The following PTPRD variants were observed in gnomAD, a reference collection of about 807,000 sequenced individuals.
PTPRD encodes the protein protein tyrosine phosphatase receptor type D.
PTPRD carries 34 observed loss-of-function variants against 214.5 expected under a neutral mutation model. The ratio of observed to expected loss-of-function variants is 0.16; its 90% CI spans 0.12 to 0.21. PTPRD has a LOEUF of 0.21. Among genes scored for constraint, PTPRD ranks in the 10% least tolerant of loss-of-function variants. The pLI, the probability that PTPRD is intolerant of heterozygous loss-of-function variation, is 1.00. For missense variants in PTPRD, 2,545 were observed against 2,398.7 expected (o/e 1.06, Z -1.27); for synonymous variants, 1,128 against 845.7 (o/e 1.33, Z -5.79).
At chr9:9,269,443 G>A (rs1429896509) in intron 9 of PTPRD, among the ~76,000 whole-genome samples, 1 of 133,926 alleles carries the variant, frequency 7.5e-6, no homozygotes, top group Non-Finnish European at 1.7e-5. Flanking sequence ...AAACAATATG[G>A]AGGTTCCTCA....
chr9:9,921,290 G>A (rs923887374), intron 5 of PTPRD, among the ~76,000 whole-genome samples: 2 of 151,966 alleles, frequency 1.3e-5, no homozygotes, highest in African/African-American at 4.8e-5. Context: ...GTGCACATAA[G>A]ATAGGGTTTC....
chr9:8,961,349 T>C (rs1362116863), intron 11 of PTPRD, among the ~76,000 whole-genome samples: 4 of 152,134 alleles, frequency 2.6e-5, no homozygotes, highest in Non-Finnish European at 5.9e-5. Flanking sequence ...ACTTGAGGTC[T>C]TACATTCTTT....
intron 2 of PTPRD, among the ~76,000 whole-genome samples, chr9:10,344,048 C>G (rs567784345): frequency 1.3e-5 from 1 of 74,462 alleles, no homozygotes; most frequent in East Asian, 4.6e-4. Context: ...TCCCATTTGT[C>G]TATTTTGGCT....
At chr9:8,829,519 G>T (rs1003020536) in intron 11 of PTPRD, among the ~76,000 whole-genome samples, 21 of 152,040 alleles carry the variant, frequency 1.4e-4, no homozygotes, top group Non-Finnish European at 2.6e-4. Flanking sequence ...GACTTTTTTG[G>T]AAGGTTATTA....
chr9:9,429,821 T>C (rs992074454), intron 8 of PTPRD, among the ~76,000 whole-genome samples: 3 of 152,014 alleles, frequency 2.0e-5, no homozygotes, highest in Admixed American at 6.6e-5. Flanking sequence ...TCTCAATAGA[T>C]GCAGAAAAGG....
intron 36 of PTPRD, among the ~76,000 whole-genome samples, chr9:8,398,467 G>C (rs2091716204): frequency 6.6e-6 from 1 of 151,978 alleles, no homozygotes; most frequent in Non-Finnish European, 1.5e-5. Flanking sequence ...TTTATGTTTT[G>C]GAACTTTAAA....
chr9:9,091,114 T>G (rs537383464), intron 10 of PTPRD: 13 of 1,438,990 alleles, frequency 9.0e-6, no homozygotes, highest in Middle Eastern at 2.3e-4. Context: ...GAAGCTACAT[T>G]ACTGTGTGAG....
At chr9:8,692,108 T>A (rs535957525) in intron 12 of PTPRD, among the ~76,000 whole-genome samples, 1 of 152,276 alleles carries the variant, frequency 6.6e-6, no homozygotes, top group African/African-American at 2.4e-5. Context: ...CTCAAACAGC[T>A]TTGCATTAAT....
rs565172638 is a variant in PTPRD at position 9,944,971 on chromosome 9, T to G, written c.-471-6361A>C. 1.1e-4 allele frequency among the ~76,000 whole-genome samples: 16 copies of G among 150,474 alleles called. No individual in the cohort carries two copies. The South Asian group carries it at 3.1e-3, about 29-fold the overall frequency. ...CTACTGTAAAAGTCTAGAAAAGAGA[T>G]GAATATGACCAGACAAGTAGTGGAG... On this transcript the variant is annotated intron_variant, in intron 4 of 45. Coordinates refer to ENST00000381196, the MANE Select transcript of PTPRD (RefSeq NM_002839.4).
intron 3 of PTPRD, among the ~76,000 whole-genome samples, chr9:10,066,186 T>G (rs1484506701): frequency 6.6e-6 from 1 of 151,834 alleles, no homozygotes; most frequent in Non-Finnish European, 1.5e-5. Flanking sequence ...ACAGGCAAAA[T>G]AAAGCATACT....
intron 9 of PTPRD, among the ~76,000 whole-genome samples, chr9:9,245,383 T>A (rs1402449538): frequency 6.6e-6 from 1 of 152,084 alleles, no homozygotes; most frequent in Non-Finnish European, 1.5e-5. Flanking sequence ...TTTCCAACAA[T>A]GATAGACTGG....
chr9:8,893,657 G>A (rs2098565236), intron 11 of PTPRD, among the ~76,000 whole-genome samples: 1 of 152,138 alleles, frequency 6.6e-6, no homozygotes, highest in Admixed American at 6.6e-5. Flanking sequence ...ATACTTCCAG[G>A]TATGCAGTGG....
At chr9:10,392,090 T>C (rs916664146) in intron 2 of PTPRD, among the ~76,000 whole-genome samples, 4 of 151,512 alleles carry the variant, frequency 2.6e-5, no homozygotes, top group African/African-American at 9.7e-5. Flanking sequence ...AATTATTTAT[T>C]TGGGTATCTA....
chr9:9,251,842 A>G (rs1333355413), intron 9 of PTPRD, among the ~76,000 whole-genome samples: 1 of 152,104 alleles, frequency 6.6e-6, no homozygotes, highest in East Asian at 1.9e-4. Context: ...GAAATATCAG[A>G]TTTAGTCGCT....
At position 9,476,445 on chromosome 9, in the gene PTPRD, A is replaced by G. The variant is rs555426756; in HGVS notation, c.-236-78963T>C. On this transcript the variant is annotated intron_variant, in intron 8 of 45. Coordinates refer to ENST00000381196, the MANE Select transcript of PTPRD (RefSeq NM_002839.4). ...TATAACAGATTTTGTAAGGACAATGAATAGTGATGTGTTACGGGGATAATC... is the reference window on the plus strand; with the variant it reads ...TATAACAGATTTTGTAAGGACAATGGATAGTGATGTGTTACGGGGATAATC... 2.0e-5 allele frequency among the ~76,000 whole-genome samples: 3 copies of G among 152,312 alleles called. No individual in the cohort carries two copies. In the South Asian group the frequency reaches 6.2e-4, roughly 32 times the overall value.
chr9:9,666,377 T>A (rs1282137677), intron 7 of PTPRD, among the ~76,000 whole-genome samples: 1 of 151,944 alleles, frequency 6.6e-6, no homozygotes, highest in Non-Finnish European at 1.5e-5. Context: ...AAAATTATGA[T>A]CTTATTTGTA....
At position 8,499,674 on chromosome 9, in the gene PTPRD, C is replaced by T. The variant is rs2136808711; in HGVS notation, c.2295G>A (p.Leu765=). 1 of 1,613,732 alleles carries T rather than the reference C, an allele frequency of 6.2e-7. No individual in the cohort carries two copies. The highest frequency in any genetic ancestry group is 8.5e-7 in the Non-Finnish European group (1 of 1,179,832). The change falls in exon 25 of 46, where the codon CTG becomes CTA. Residue 765 remains leucine (L), a synonymous_variant. Coordinates refer to ENST00000381196, the MANE Select transcript of PTPRD (RefSeq NM_002839.4). ...GTGCATCAGCCAGCATGACATCTTT[C>T]AGCATGGGCTGGCCCTTGGGCTCAC... ...ENGEPKGQPM[L]KDVMLADAQW... is the part of the protein sequence containing the mutation.
intron 2 of PTPRD, among the ~76,000 whole-genome samples, chr9:10,484,056 G>C (rs1197050310): frequency 6.6e-6 from 1 of 151,946 alleles, no homozygotes; most frequent in Non-Finnish European, 1.5e-5. Context: ...TATAGAAAAT[G>C]CGGTATGTGT....
At chr9:9,090,757 T>A (rs1391318784) in intron 10 of PTPRD, 1 of 632,974 alleles carries the variant, frequency 1.6e-6, no homozygotes, top group Non-Finnish European at 2.8e-6. Context: ...ACATCAGTGA[T>A]TTCAAGTTGC....
Sources: gnomAD v4.1 joint callset for allele counts (sites outside exome capture counted in the v4.1 genomes callset) on GRCh38, gnomAD v4.1.1 for gene constraint, MANE v1.5 for transcripts, NCBI Gene and HGNC (gene_info 2026-07-23, HGNC 2026-07-21) for gene names.